PALB2: variants seen among roughly 807,000 people sequenced by gnomAD.
PALB2 encodes partner and localizer of BRCA2.
PALB2 carries 82 observed loss-of-function variants against 107.4 expected under a neutral mutation model. That is an observed-to-expected ratio of 0.76 (90% CI 0.64 to 0.92). The LOEUF is 0.92. Among genes scored for constraint, PALB2 ranks in the 40% least tolerant of loss-of-function variants. PALB2 has a pLI of 0.00. For synonymous variants in PALB2, 489 were observed against 496.8 expected (o/e 0.98, Z 0.21); for missense variants, 1,374 against 1,379.9 (o/e 1.00, Z 0.07).
chr16:23,626,148 T>A (rs1049375431), intron 7 of PALB2, 88 bp downstream of exon 7: 2 of 1,458,934 alleles, frequency 1.4e-6, no homozygotes, highest in Non-Finnish European at 1.9e-6. Context: ...CCTTGCATGG[T>A]CATAGCTCCC....
intron 10 of PALB2, 96 bp from the exon 11 acceptor site, chr16:23,614,187 G>T: frequency 1.1e-6 from 1 of 887,466 alleles, no homozygotes; most frequent in Non-Finnish European, 1.8e-6. Context: ...CTTAGGAGGT[G>T]ACCAGGGAAA....
intron 7 of PALB2, among the ~76,000 whole-genome samples, chr16:23,625,098 C>T (rs1339745852): frequency 4.6e-5 from 7 of 151,876 alleles, no homozygotes; most frequent in South Asian, 2.1e-4. Flanking sequence ...TTTGGGAAGC[C>T]GAGGCGAGTG....
At chr16:23,618,638 T>C (rs1276358559) in intron 10 of PALB2, among the ~76,000 whole-genome samples, 2 of 152,136 alleles carry the variant, frequency 1.3e-5, no homozygotes, top group Non-Finnish European at 2.9e-5. Context: ...GTCATGCCAG[T>C]GCACTCTAGT....
chr16:23,635,386 G>A lies in PALB2; in HGVS notation c.1160C>T (p.Ser387Phe), dbSNP rs587781863. ...AGAATGTTTTTCTGCAGAAAGAGGAGAGGTTGCTTCCAGGCTAAGACTCTT... is the reference window on the plus strand; with the variant it reads ...AGAATGTTTTTCTGCAGAAAGAGGAAAGGTTGCTTCCAGGCTAAGACTCTT... ...QPKSLSLEAT[S>F]PLSAEKHSCT... The change falls in exon 4 of 13, where the codon TCT becomes TTT. Residue 387 changes from serine (S) to phenylalanine (F), a missense_variant. Physicochemically the swap from Ser to Phe is radical, Grantham distance 155. Coordinates refer to ENST00000261584, the MANE Select transcript of PALB2 (RefSeq NM_024675.4). The A allele has an allele frequency of 6.2e-7, 1 of 1,614,042 alleles. No homozygotes were observed. Among genetic ancestry groups the A allele is most frequent in the Non-Finnish European group, 8.5e-7 (1 of 1,180,028 alleles).
At chr16:23,607,465 A>ATT (rs1306602436) in intron 12 of PALB2, 3 of 262,130 alleles carry the variant, frequency 1.1e-5, no homozygotes, top group Admixed American at 4.7e-5. Flanking sequence ...ATATATATAT[A>ATT]TATTTTTTTT....
At chr16:23,604,493 G>A (rs2142258854) in intron 12 of PALB2, among the ~76,000 whole-genome samples, 1 of 152,374 alleles carries the variant, frequency 6.6e-6, no homozygotes, top group East Asian at 1.9e-4. Flanking sequence ...TTAGCCGGGT[G>A]TGGTGGCTCA....
At position 23,627,215 on chromosome 16, in the gene PALB2, C is replaced by T. The variant is rs535001407; in HGVS notation, c.2587-818G>A. On this transcript the variant is annotated intron_variant, in intron 6 of 12. Transcript: ENST00000261584. ...GAAAAATCATAATCACGGCCGGGCG[C>T]GGTGGCTCACGCCTGTAATCCCAGC... 1.0e-3 allele frequency among the ~76,000 whole-genome samples: 156 copies of T among 152,002 alleles called. 1 individual carries two copies. Among genetic ancestry groups the T allele is most frequent in the African/African-American group, 3.5e-3 (145 of 41,510 alleles).
rs760609798 is a variant in PALB2, at chr16:23,641,122, C to T, written c.36G>A (p.Glu12=). 1.2e-5 allele frequency: 19 copies of T among 1,613,580 alleles called. No homozygotes were observed. The highest frequency in any genetic ancestry group is 1.0e-4 in the Admixed American group (6 of 59,970). ...GCACCCCCGGCACCTTTTCCTTCTC[C>T]TCACAGCTGAGGGGCTTCCCGGGAG... ...DEPPGKPLSC[E]EKEKLKEKLA... is the part of the protein sequence containing the mutation. The change falls in exon 1 of 13, where the codon GAG becomes GAA. Residue 12 remains glutamate, a synonymous_variant. Transcript: ENST00000261584.
intron 7 of PALB2, 88 bp from the exon 8 acceptor site, chr16:23,624,182 T>G: frequency 1.2e-6 from 1 of 827,612 alleles, no homozygotes; most frequent in Non-Finnish European, 2.1e-6. Context: ...CATTCTTTTG[T>G]ATTCTCACTG....
chr16:23,608,518 G>T (rs769069815), intron 11 of PALB2, among the ~76,000 whole-genome samples: 1 of 152,152 alleles, frequency 6.6e-6, no homozygotes, highest in Non-Finnish European at 1.5e-5. Context: ...GGACACACAT[G>T]TGCAGGGAGT....
chr16:23,618,849 C>T (rs966519384), intron 10 of PALB2, among the ~76,000 whole-genome samples: 4 of 152,136 alleles, frequency 2.6e-5, no homozygotes, highest in African/African-American at 4.8e-5. Context: ...TAACACCCCT[C>T]GGCAGAAACC....
At chr16:23,622,338 C>T (rs551015485) in intron 9 of PALB2, among the ~76,000 whole-genome samples, 4 of 151,938 alleles carry the variant, frequency 2.6e-5, no homozygotes, top group Admixed American at 1.3e-4. Context: ...GTGTGTGGAA[C>T]GAGGAAAGGG....
Position 23,635,870 on chromosome 16 carries a change from TTGG to T in PALB2, c.673_675del (p.Pro225del). On this transcript the variant is annotated inframe_deletion, in exon 4 of 13. Coordinates refer to ENST00000261584, the MANE Select transcript of PALB2 (RefSeq NM_024675.4). The stretch of plus-strand genomic sequence containing the variant: ...TCAACACCTTTTTCTGGTTGGGCAG[TTGG>T]TGGAATTAATACACTGTCTTCATTA... The T allele has an allele frequency of 6.2e-7, 1 of 1,614,138 alleles. No homozygotes were observed. The highest frequency in any genetic ancestry group is 8.5e-7 in the Non-Finnish European group (1 of 1,180,018).
Position 23,607,941 on chromosome 16 carries a change from C to T in PALB2, c.3273G>A (p.Gln1091=), listed in dbSNP as rs1555458200. ...ESESLRSPVF[Q]LIVINPKTTL... is the part of the protein sequence containing the mutation. ...TCGTCTTAGGGTTAATCACAATGAG[C>T]TGAAACACAGGGCTTCGCAACGACT... The change falls in exon 12 of 13, where the codon CAG becomes CAA. Residue 1091 remains glutamine, a synonymous_variant. Transcript: ENST00000261584. 1 of 1,614,088 alleles carries T rather than the reference C, an allele frequency of 6.2e-7. No individual in the cohort carries two copies. The highest frequency in any genetic ancestry group is 8.5e-7 in the Non-Finnish European group (1 of 1,180,000).
In PALB2 at chr16:23,635,357, T is replaced by C. The variant is rs367578415; in HGVS notation, c.1189A>G (p.Thr397Ala). The C allele has an allele frequency of 1.2e-6, 2 of 1,614,054 alleles. No individual in the cohort carries two copies. The highest frequency in any genetic ancestry group is 1.3e-5 in the African/African-American group (1 of 75,062). The change falls in exon 4 of 13, where the codon ACA becomes GCA. Residue 397 changes from threonine to alanine, a missense_variant. By Grantham distance (58) the Thr-to-Ala change is moderately conservative. Coordinates refer to ENST00000261584, the MANE Select transcript of PALB2 (RefSeq NM_024675.4). ...GGAAACAGAAGGCCTTCAGGCACTG[T>C]GCAAGAATGTTTTTCTGCAGAAAGA... ...SPLSAEKHSC[T>A]VPEGLLFPAE... is the part of the protein sequence containing the mutation.
At chr16:23,629,396 C>T in intron 5 of PALB2, 121 bp from the exon 6 acceptor site, 1 of 1,008,902 alleles carries the variant, frequency 9.9e-7, no homozygotes. Flanking sequence ...AGCAGCAAAG[C>T]TCCAAATGCA....
At chr16:23,609,026 C>T (rs561483248) in intron 11 of PALB2, among the ~76,000 whole-genome samples, 1 of 152,144 alleles carries the variant, frequency 6.6e-6, no homozygotes, top group Non-Finnish European at 1.5e-5. Flanking sequence ...CAGGGTTTCA[C>T]CACGTTGACC....
intron 6 of PALB2, among the ~76,000 whole-genome samples, chr16:23,628,674 C>T (rs542968331): frequency 9.9e-5 from 15 of 152,150 alleles, no homozygotes; most frequent in Admixed American, 6.6e-4. Context: ...GAGTCTCACT[C>T]GCCCAGGCTG....
chr16:23,624,268 A>G (rs1030279087), intron 7 of PALB2, among the ~76,000 whole-genome samples, 174 bp from the exon 8 acceptor site: 24 of 152,262 alleles, frequency 1.6e-4, no homozygotes, highest in African/African-American at 5.5e-4. Context: ...AACTATATGC[A>G]TAATAGCATA....
Sources: gnomAD v4.1 joint callset for allele counts (sites outside exome capture counted in the v4.1 genomes callset) on GRCh38, gnomAD v4.1.1 for gene constraint, MANE v1.5 for transcripts, NCBI Gene and HGNC (gene_info 2026-07-23, HGNC 2026-07-21) for gene names.